VBP1: variants seen among roughly 807,000 people sequenced by gnomAD.
VBP1 encodes the protein prefoldin subunit 3.
Under a neutral mutation model 15.5 loss-of-function variants are expected in VBP1, and 4 were observed. The ratio of observed to expected loss-of-function variants is 0.26; its 90% CI spans 0.13 to 0.59. The LOEUF (loss-of-function observed/expected upper bound fraction) is 0.59. VBP1 is among the 20% of genes least tolerant of loss of function. The pLI is 0.90. For synonymous variants in VBP1, 61 were observed against 52.1 expected, an observed-to-expected ratio of 1.17 and a Z score of -0.74; for missense variants, 108 against 139.6, an observed-to-expected ratio of 0.77 and a Z score of 1.14.
At chrX:155,233,233 G>A (rs960478797) in intron 4 of VBP1, among the ~76,000 whole-genome samples, 3 of 111,227 alleles carry the variant, frequency 2.7e-5, no homozygotes, top group African/African-American at 9.8e-5. Flanking sequence ...GCATCTCTGG[G>A]GGAGAATTAG....
chrX:155,222,344 GCATGCCTGTAGTTC>G (rs2124074324), intron 2 of VBP1, among the ~76,000 whole-genome samples: 1 of 111,541 alleles, frequency 9.0e-6, no homozygotes, highest in South Asian at 3.8e-4. Flanking sequence ...GTGTTGTGGT[GCATGCCTGTAGTTC>G]CAGCTACTAG....
At chrX:155,228,613 C>T (rs2074731142) in intron 4 of VBP1, 131 bp downstream of exon 4, 2 of 511,922 alleles carry the variant, frequency 3.9e-6, no homozygotes, top group Admixed American at 4.1e-5. Flanking sequence ...TGTTCATCTC[C>T]TTTTGATTGT....
chrX:155,236,656 G>A (rs1289039109), intron 5 of VBP1, among the ~76,000 whole-genome samples: 1 of 111,918 alleles, frequency 8.9e-6, no homozygotes, highest in African/African-American at 3.3e-5. Flanking sequence ...TCCTTATTAG[G>A]CTAATATAAA....
intron 4 of VBP1, among the ~76,000 whole-genome samples, chrX:155,232,007 T>C (rs183123184): frequency 3.6e-5 from 4 of 112,179 alleles, no homozygotes; most frequent in Admixed American, 1.9e-4. Flanking sequence ...TACTATCAAA[T>C]TGCTCTCCAG....
chrX:155,200,554 A>C (rs1486219318), intron 1 of VBP1, among the ~76,000 whole-genome samples: 2 of 110,587 alleles, frequency 1.8e-5, no homozygotes, highest in Non-Finnish European at 3.8e-5. Context: ...ATGTTCTTTA[A>C]AACCAACGAG....
chrX:155,216,873 C>T (rs1202206407), intron 1 of VBP1, among the ~76,000 whole-genome samples: 4 of 112,328 alleles, frequency 3.6e-5, no homozygotes, highest in Non-Finnish European at 3.8e-5. Context: ...CTCCGGGCTG[C>T]CGCCGGTTTT....
chrX:155,222,686 G>A (rs782046130), intron 2 of VBP1, among the ~76,000 whole-genome samples: 2 of 112,192 alleles, frequency 1.8e-5, no homozygotes, highest in South Asian at 3.7e-4. Flanking sequence ...AGGCCTAAAT[G>A]TGGGGAGAAG....
chrX:155,210,702 C>G (rs1569560885), intron 2 of VBP1, among the ~76,000 whole-genome samples: 2 of 112,050 alleles, frequency 1.8e-5, no homozygotes, highest in Non-Finnish European at 3.8e-5. Context: ...GTCCTCATAG[C>G]AAGGCTGATG....
chrX:155,220,052 CT>C lies in VBP1; in HGVS notation c.94-127del, dbSNP rs781802362. 4 of 580,234 alleles carry C rather than the reference CT, an allele frequency of 6.9e-6. No homozygotes were observed. In the South Asian group the frequency reaches 1.7e-4, roughly 24 times the overall value. The allele number at this position is 580,234 out of a possible 1,213,427, so 47.8% of individuals were successfully genotyped here. On this transcript the variant is annotated intron_variant, in intron 1 of 5. Transcript: ENST00000286428. ...TTTAGATAAGGGTGCTTAACCTGTA[CT>C]TTTAGTTAAAAACAAACCTTTGGAG...
At position 155,238,884 on chromosome X, in the gene VBP1, A is replaced by G. The variant is rs2074786474; in HGVS notation, c.*42A>G. ...TGTGGTTTAGTTTTCCAAACATGTTATCTTAAATACCCCTTTATCCTTACA... is the reference window on the plus strand; with the variant it reads ...TGTGGTTTAGTTTTCCAAACATGTTGTCTTAAATACCCCTTTATCCTTACA... On this transcript the variant is annotated 3_prime_UTR_variant, in exon 6 of 6. Coordinates refer to ENST00000286428, the MANE Select transcript of VBP1 (RefSeq NM_003372.7). 6 of 1,056,877 alleles carry G rather than the reference A, an allele frequency of 5.7e-6. No homozygotes were observed. The highest frequency in any genetic ancestry group is 7.8e-6 in the Non-Finnish European group (6 of 770,614). The allele number at this position is 1,056,877 out of a possible 1,213,427, so 87.1% of individuals were successfully genotyped here.
At chrX:155,220,492 A>C (rs782652066) in intron 2 of VBP1, among the ~76,000 whole-genome samples, 185 bp downstream of exon 2, 14 of 112,148 alleles carry the variant, frequency 1.2e-4, no homozygotes, top group Non-Finnish European at 1.7e-4. Flanking sequence ...CCTTGCCAAC[A>C]CTTGGTATTG....
chrX:155,236,781 GAGTA>G lies in VBP1; in HGVS notation c.523+419_523+422del, dbSNP rs1453028669. On this transcript the variant is annotated intron_variant, in intron 5 of 5. Transcript: ENST00000286428. ...GTGGAAACAGCAAATTCACATAGGT[GAGTA>G]AGTATTTTTCTTCCAAATATTTTCC... Among the ~76,000 whole-genome samples, 6 of 112,585 alleles carry G rather than the reference GAGTA, an allele frequency of 5.3e-5. No homozygotes were observed. The Admixed American group carries it at 5.6e-4, about 11-fold the overall frequency.
intron 2 of VBP1, among the ~76,000 whole-genome samples, chrX:155,222,379 G>A (rs1197605405): frequency 9.0e-6 from 1 of 111,439 alleles, no homozygotes; most frequent in East Asian, 2.8e-4. Context: ...GGAAGCTGAG[G>A]TGAGAGTATT....
chrX:155,233,724 G>A (rs1441873048), intron 4 of VBP1, among the ~76,000 whole-genome samples: 3 of 111,753 alleles, frequency 2.7e-5, no homozygotes, highest in Admixed American at 1.9e-4. Context: ...TTACCTTTGC[G>A]GTGGGGGTGC....
chrX:155,222,000 A>G (rs1314877783), intron 2 of VBP1, among the ~76,000 whole-genome samples: 1 of 112,827 alleles, frequency 8.9e-6, no homozygotes, highest in Non-Finnish European at 1.9e-5. Flanking sequence ...AATCCACACT[A>G]AAGGCATATT....
chrX:155,227,956 C>G (rs1457383479), intron 3 of VBP1, among the ~76,000 whole-genome samples: 1 of 112,239 alleles, frequency 8.9e-6, no homozygotes, highest in African/African-American at 3.2e-5. Context: ...ATGTGGTGAA[C>G]TTTGTAAGAC....
Position 155,208,850 on chromosome X carries a change from A to T in VBP1, c.-30-24A>T, listed in dbSNP as rs782280384. The stretch of plus-strand genomic sequence containing the variant: ...TTAAATACTAATTAATTTTTAACTG[A>T]TTGTTTTCTTTTACAATTCATAGGT... On this transcript the variant is annotated intron_variant, in intron 1 of 6. Coordinates refer to the VBP1 transcript ENST00000535916. 456 of 1,044,065 alleles carry T rather than the reference A, an allele frequency of 4.4e-4. 1 individual carries two copies. In the African/African-American group the frequency reaches 7.9e-3, roughly 18 times the overall value. 86.0% of individuals were successfully genotyped at this position (1,044,065 alleles called of 1,213,427 possible).
upstream of VBP1, chrX:155,216,455 G>A: frequency 1.7e-6 from 2 of 1,164,095 alleles, no homozygotes; most frequent in Non-Finnish European, 2.3e-6. Flanking sequence ...GGCGGCCCGG[G>A]AGGCAGTCGC....
chrX:155,237,023 A>G (rs1557311677), intron 5 of VBP1, among the ~76,000 whole-genome samples: 1 of 112,539 alleles, frequency 8.9e-6, no homozygotes, highest in Non-Finnish European at 1.9e-5. Context: ...CACCAAGGCA[A>G]TTTAAACTTT....
Sources: gnomAD v4.1 joint callset for allele counts (sites outside exome capture counted in the v4.1 genomes callset) on GRCh38, gnomAD v4.1.1 for gene constraint, MANE v1.5 for transcripts, NCBI Gene and HGNC (gene_info 2026-07-23, HGNC 2026-07-21) for gene names.